S100A7A: variants seen among roughly 807,000 people sequenced by gnomAD.
S100A7A encodes S100 calcium binding protein A7A.
Under a neutral mutation model 4.0 loss-of-function variants are expected in S100A7A, and 5 were observed. The observed-to-expected ratio is 1.26, with a 90% CI of 0.66 to 2.66. S100A7A has a LOEUF of 2.66. S100A7A is among the 30% of genes most tolerant of loss of function. The probability of loss-of-function intolerance (pLI) is 0.01; values close to 1 mark genes in which losing one functional copy is unlikely to be tolerated. For synonymous variants in S100A7A, 52 were observed against 46.4 expected (o/e 1.12, Z -0.49); for missense variants, 159 against 125.1 (o/e 1.27, Z -1.29).
Position 153,421,551 on chromosome 1 carries a change from C to T in S100A7A, c.*2242C>T, listed in dbSNP as rs113226108. ...CTTTATGTAAACAGCAGTGTAAAAT[C>T]CAAAAACTTCCAGTCCTGGAGGCAG... On this transcript the variant is annotated 3_prime_UTR_variant, in exon 3 of 3. Transcript: ENST00000368729. 1 of 152,156 alleles carries T rather than the reference C, an allele frequency of 6.6e-6. No individual in the cohort carries two copies. 9.4% of individuals were successfully genotyped at this position (152,156 alleles called of 1,614,324 possible). A position where few individuals can be genotyped will look rare whatever the true frequency, so the allele number is the denominator to read the frequency against.
chr1:153,417,915 A>G lies in S100A7A; in HGVS notation c.-17-151A>G, dbSNP rs896750262. The G allele has an allele frequency of 8.6e-5, 84 of 977,346 alleles. 1 individual carries two copies. Among genetic ancestry groups the G allele is most frequent in the South Asian group, 6.4e-4 (36 of 56,098 alleles). 60.5% of individuals were successfully genotyped at this position (977,346 alleles called of 1,614,324 possible). On this transcript the variant is annotated intron_variant, in intron 1 of 2. Coordinates refer to ENST00000368729, the MANE Select transcript of S100A7A (RefSeq NM_176823.4). The stretch of plus-strand genomic sequence containing the variant: ...CTTGGTCCTACCCTCTCATTTTTGA[A>G]CAACTTATCCCATCACATTTAAAAA...
rs1483352245 is a variant in S100A7A at position 153,422,149 on chromosome 1, C to T, written c.*2840C>T. On this transcript the variant is annotated 3_prime_UTR_variant, in exon 3 of 3. Transcript: ENST00000368729. ...GGTCGTCAAGAGAACTGTGTCATTC[C>T]AAACTCACCAAGGTGGCTTATAGAA... 1 of 152,238 alleles carries T rather than the reference C, an allele frequency of 6.6e-6. No homozygotes were observed. Among genetic ancestry groups the T allele is most frequent in the Admixed American group, 6.5e-5 (1 of 15,286 alleles). 9.4% of individuals were successfully genotyped at this position (152,238 alleles called of 1,614,324 possible).
At chr1:153,418,390 C>G (rs540697065) in intron 2 of S100A7A, among the ~76,000 whole-genome samples, 167 bp downstream of exon 2, 1 of 152,070 alleles carries the variant, frequency 6.6e-6, no homozygotes, top group South Asian at 2.1e-4. Flanking sequence ...GGATGGTAGG[C>G]GAAAAAGTAT....
chr1:153,420,426 T>C lies in S100A7A; in HGVS notation c.*1117T>C, dbSNP rs918913705. 3 of 152,228 alleles carry C rather than the reference T, an allele frequency of 2.0e-5. No homozygotes were observed. The highest frequency in any genetic ancestry group is 7.2e-5 in the African/African-American group (3 of 41,448). The allele number at this position is 152,228 out of a possible 1,614,324, so 9.4% of individuals were successfully genotyped here. ...CATCATGTGTCCCTATCACTCTTAC[T>C]ACTCTGGTCAGTCTCCAGCTAACCT... On this transcript the variant is annotated 3_prime_UTR_variant, in exon 3 of 3. Coordinates refer to ENST00000368729, the MANE Select transcript of S100A7A (RefSeq NM_176823.4).
chr1:153,422,626 C>T lies in S100A7A; in HGVS notation c.*3317C>T, dbSNP rs1010064293. On this transcript the variant is annotated 3_prime_UTR_variant, in exon 3 of 3. Coordinates refer to ENST00000368729, the MANE Select transcript of S100A7A (RefSeq NM_176823.4). ...TTTCAGGCGCAGTCTCACTCTGTCG[C>T]CCGGGCTGGAGTGCTGTGAGCTGTC... The T allele has an allele frequency of 1.5e-6, 1 of 660,924 alleles. No homozygotes were observed. The highest frequency in any genetic ancestry group is 2.0e-5 in the African/African-American group (1 of 50,702). 40.9% of individuals were successfully genotyped at this position (660,924 alleles called of 1,614,324 possible). A position where few individuals can be genotyped will look rare whatever the true frequency, so the allele number is the denominator to read the frequency against.
In S100A7A at chr1:153,422,630, G is replaced by T; in HGVS notation, c.*3321G>T. The T allele has an allele frequency of 1.8e-6, 1 of 566,830 alleles. No individual in the cohort carries two copies. Among genetic ancestry groups the T allele is most frequent in the Non-Finnish European group, 2.2e-6 (1 of 448,072 alleles). 35.1% of individuals were successfully genotyped at this position (566,830 alleles called of 1,614,324 possible). A position where few individuals can be genotyped will look rare whatever the true frequency, so the allele number is the denominator to read the frequency against. On this transcript the variant is annotated 3_prime_UTR_variant, in exon 3 of 3. Coordinates refer to ENST00000368729, the MANE Select transcript of S100A7A (RefSeq NM_176823.4). ...AGGCGCAGTCTCACTCTGTCGCCCG[G>T]GCTGGAGTGCTGTGAGCTGTCCGTG...
Position 153,419,156 on chromosome 1 carries a change from C to A in S100A7A, c.153C>A (p.Gly51=). 6.2e-7 allele frequency: 1 copy of A among 1,613,928 alleles called. No individual in the cohort carries two copies. The highest frequency in any genetic ancestry group is 8.5e-7 in the Non-Finnish European group (1 of 1,179,950). ...PNFLSACDKK[G]IHYLATVFEK... ...TTTTCTCTTCACAGGACAAAAAGGG[C>A]ATACATTACCTCGCCACTGTCTTTG... Residue 51 remains glycine, a synonymous_variant, in exon 3 of 3, where the codon GGC becomes GGA. Transcript: ENST00000368729.
Position 153,422,642 on chromosome 1 carries a change from G to T in S100A7A, c.*3333G>T. The T allele has an allele frequency of 2.5e-6, 1 of 392,788 alleles. No homozygotes were observed. The highest frequency in any genetic ancestry group is 3.5e-6 in the Non-Finnish European group (1 of 288,844). 24.3% of individuals were successfully genotyped at this position (392,788 alleles called of 1,614,324 possible). On this transcript the variant is annotated 3_prime_UTR_variant, in exon 3 of 3. Coordinates refer to ENST00000368729, the MANE Select transcript of S100A7A (RefSeq NM_176823.4). Reference sequence around the variant, plus strand: ...ACTCTGTCGCCCGGGCTGGAGTGCTGTGAGCTGTCCGTGGTGCTGAATTCA... The same window carrying T: ...ACTCTGTCGCCCGGGCTGGAGTGCTTTGAGCTGTCCGTGGTGCTGAATTCA...
rs147808518 is a variant in S100A7A, at chr1:153,417,786, C to T, written c.-17-280C>T. Reference sequence around the variant, plus strand: ...AGTTCTTCTATGTGTTGCTGGCCTCCGACTCTCCCTGCTTCTCCTTCTCTG... The same window carrying T: ...AGTTCTTCTATGTGTTGCTGGCCTCTGACTCTCCCTGCTTCTCCTTCTCTG... On this transcript the variant is annotated intron_variant, in intron 1 of 2. Coordinates refer to ENST00000368729, the MANE Select transcript of S100A7A (RefSeq NM_176823.4). 2.4e-3 allele frequency among the ~76,000 whole-genome samples: 364 copies of T among 152,254 alleles called. 3 individuals carry two copies. The highest frequency in any genetic ancestry group is 8.3e-3 in the African/African-American group (343 of 41,536).
Position 153,418,355 on chromosome 1 carries a change from T to C in S100A7A, c.141+132T>C, listed in dbSNP as rs191428080. The C allele has an allele frequency of 1.5e-4, 183 of 1,208,864 alleles. No individual in the cohort carries two copies. In the African/African-American group the frequency reaches 2.3e-3, roughly 15 times the overall value. 74.9% of individuals were successfully genotyped at this position (1,208,864 alleles called of 1,614,324 possible). ...TTTCCCATTTGCAAATAGGGCTTTA[T>C]TGCTTGGATCATATGTGAATCTAAG... On this transcript the variant is annotated intron_variant, in intron 2 of 2. Transcript: ENST00000368729.
In S100A7A at chr1:153,421,181, T is replaced by C. The variant is rs563942907; in HGVS notation, c.*1872T>C. 6.6e-6 allele frequency: 1 copy of C among 152,358 alleles called. No homozygotes were observed. The highest frequency in any genetic ancestry group is 1.5e-5 in the Non-Finnish European group (1 of 68,028). The allele number at this position is 152,358 out of a possible 1,614,324, so 9.4% of individuals were successfully genotyped here. A position where few individuals can be genotyped will look rare whatever the true frequency, so the allele number is the denominator to read the frequency against. On this transcript the variant is annotated 3_prime_UTR_variant, in exon 3 of 3. Transcript: ENST00000368729. ...ACTACTGCCTCTACCAGAAATGTCT[T>C]TTAATACTTCTTCTGTCTCATTAAC...
At chr1:153,416,930 A>T (rs2101625045) in intron 1 of S100A7A, among the ~76,000 whole-genome samples, 1 of 152,304 alleles carries the variant, frequency 6.6e-6, no homozygotes, top group South Asian at 2.1e-4. Flanking sequence ...CCACAGAGGG[A>T]GGAGGGATAA....
At chr1:153,419,090 C>A (rs907792765) in intron 2 of S100A7A, 55 bp from the exon 3 acceptor site, 29 of 1,588,594 alleles carry the variant, frequency 1.8e-5, no homozygotes, top group Non-Finnish European at 2.5e-5. Flanking sequence ...CCCCTCCCAG[C>A]CCAAAACTTG....
intron 1 of S100A7A, 53 bp from the exon 2 acceptor site, chr1:153,418,013 T>C: frequency 6.2e-7 from 1 of 1,600,500 alleles, no homozygotes; most frequent in Non-Finnish European, 8.5e-7. Flanking sequence ...CACCCCCACA[T>C]AGAGACCTTA....
At position 153,419,169 on chromosome 1, in the gene S100A7A, G is replaced by A. The variant is rs778870317; in HGVS notation, c.166G>A (p.Ala56Thr). 104 of 1,613,842 alleles carry A rather than the reference G, an allele frequency of 6.4e-5. No homozygotes were observed. The highest frequency in any genetic ancestry group is 1.2e-4 in the Admixed American group (7 of 59,960). The change falls in exon 3 of 3, where the codon GCC becomes ACC. Residue 56 changes from alanine to threonine, a missense_variant. By Grantham distance (58) the Ala-to-Thr change is moderately conservative (BLOSUM62 0). Coordinates refer to ENST00000368729, the MANE Select transcript of S100A7A (RefSeq NM_176823.4). ...ACDKKGIHYL[A>T]TVFEKKDKNE... ...GGACAAAAAGGGCATACATTACCTC[G>A]CCACTGTCTTTGAGAAAAAGGACAA...
intron 1 of S100A7A, 96 bp from the exon 2 acceptor site, chr1:153,417,970 C>A: frequency 1.4e-6 from 2 of 1,446,268 alleles, no homozygotes; most frequent in South Asian, 2.6e-5. Flanking sequence ...CATCTTAGGG[C>A]TGTTTTTACT....
chr1:153,417,866 G>A (rs1662767677), intron 1 of S100A7A, 200 bp from the exon 2 acceptor site: 6 of 585,150 alleles, frequency 1.0e-5, no homozygotes, highest in South Asian at 9.2e-5. Context: ...TCTTGGCCCT[G>A]GCCAGGATGG....
At position 153,419,213 on chromosome 1, in the gene S100A7A, T is replaced by G; in HGVS notation, c.210T>G (p.Ile70Met). The change falls in exon 3 of 3, where the codon ATT (isoleucine) becomes ATG (methionine). Residue 70 changes from isoleucine (I) to methionine (M), a missense_variant. Physicochemically the swap from Ile to Met is conservative, Grantham distance 10 (BLOSUM62 1). Transcript: ENST00000368729. ...AGGACAAGAATGAGGATAAGAAGAT[T>G]GATTTTTCTGAGTTTCTGTCCTTGC... ...EKKDKNEDKK[I>M]DFSEFLSLLG... 2 of 1,614,146 alleles carry G rather than the reference T, an allele frequency of 1.2e-6. No homozygotes were observed. Among genetic ancestry groups the G allele is most frequent in the South Asian group, 1.1e-5 (1 of 91,082 alleles).
intron 1 of S100A7A, among the ~76,000 whole-genome samples, chr1:153,417,526 A>T (rs1662756366): frequency 6.6e-6 from 1 of 152,168 alleles, no homozygotes; most frequent in Non-Finnish European, 1.5e-5. Context: ...CCACGCTCAC[A>T]TGTGCACCTG....
Sources: gnomAD v4.1 joint callset for allele counts (sites outside exome capture counted in the v4.1 genomes callset) on GRCh38, gnomAD v4.1.1 for gene constraint, MANE v1.5 for transcripts, NCBI Gene and HGNC (gene_info 2026-07-23, HGNC 2026-07-21) for gene names.